The following TRIP4 variants were observed in gnomAD, a reference collection of about 807,000 sequenced individuals.
The protein encoded by TRIP4 is thyroid hormone receptor interactor 4.
A neutral mutation model predicts 81.8 loss-of-function variants in TRIP4; 54 were observed. The ratio of observed to expected loss-of-function variants is 0.66; its 90% CI spans 0.53 to 0.83. The LOEUF (loss-of-function observed/expected upper bound fraction) is 0.83. Ranked by LOEUF, TRIP4 falls within the 40% of genes least tolerant of loss-of-function variation. The probability of loss-of-function intolerance (pLI) is 0.00; values close to 1 mark genes in which losing one functional copy is unlikely to be tolerated. For synonymous variants in TRIP4, 270 were observed against 242.8 expected (o/e 1.11, Z -1.04); for missense variants, 662 against 683.6 (o/e 0.97, Z 0.35).
At chr15:64,419,183 TCTAA>T (rs1318670657) in intron 9 of TRIP4, among the ~76,000 whole-genome samples, 1 of 152,202 alleles carries the variant, frequency 6.6e-6, no homozygotes, top group Non-Finnish European at 1.5e-5. Flanking sequence ...TGTCCATATA[TCTAA>T]CTATTAATCT....
At chr15:64,447,933 A>G (rs1892670100) in intron 12 of TRIP4, among the ~76,000 whole-genome samples, 1 of 152,134 alleles carries the variant, frequency 6.6e-6, no homozygotes, top group Non-Finnish European at 1.5e-5. Context: ...TTTGGTCTCA[A>G]GTGGATCCTC....
At chr15:64,451,577 T>G (rs911019345) in intron 12 of TRIP4, among the ~76,000 whole-genome samples, 4 of 150,356 alleles carry the variant, frequency 2.7e-5, no homozygotes, top group African/African-American at 9.8e-5. Context: ...GCTCAAGCAA[T>G]TCTCCCACCT....
chr15:64,431,383 T>G (rs574296405), intron 11 of TRIP4, among the ~76,000 whole-genome samples: 2 of 152,258 alleles, frequency 1.3e-5, no homozygotes, highest in African/African-American at 4.8e-5. Context: ...ATATAGGGAA[T>G]GTAGTTTTGG....
At chr15:64,425,481 T>G in intron 10 of TRIP4, 59 bp from the exon 11 acceptor site, 2 of 1,386,356 alleles carry the variant, frequency 1.4e-6, no homozygotes, top group Non-Finnish European at 2.0e-6. Flanking sequence ...AACAGATTCC[T>G]GAGTTCCAAG....
In TRIP4 at chr15:64,409,739, C is replaced by G; in HGVS notation, c.954C>G (p.His318Gln). Residue 318 changes from histidine (H) to glutamine (Q), a missense_variant, in exon 7 of 13, where the codon CAC (histidine) becomes CAG (glutamine). Coordinates refer to ENST00000261884, the MANE Select transcript of TRIP4 (RefSeq NM_016213.5). Reference sequence around the variant, plus strand: ...AGGAGGAGCTGAGAGAACTTCGACACGCCTCTCGACTTTCTAAGAAGGTCA... The same window carrying G: ...AGGAGGAGCTGAGAGAACTTCGACAGGCCTCTCGACTTTCTAAGAAGGTCA... ...KREEELRELR[H>Q]ASRLSKKVTI... The G allele has an allele frequency of 6.2e-7, 1 of 1,614,076 alleles. No homozygotes were observed. Among genetic ancestry groups the G allele is most frequent in the South Asian group, 1.1e-5 (1 of 91,086 alleles).
At chr15:64,446,272 C>T (rs1029269651) in intron 12 of TRIP4, among the ~76,000 whole-genome samples, 6 of 151,674 alleles carry the variant, frequency 4.0e-5, no homozygotes, top group African/African-American at 1.5e-4. Context: ...GAAACTCCAT[C>T]TCAAAAAAAA....
chr15:64,445,524 A>G (rs1407023708), intron 12 of TRIP4, among the ~76,000 whole-genome samples: 6 of 151,332 alleles, frequency 4.0e-5, no homozygotes, highest in Non-Finnish European at 8.8e-5. Flanking sequence ...CGCCTGTAGC[A>G]CCTGTAGTGC....
At position 64,397,993 on chromosome 15, in the gene TRIP4, C is replaced by T. The variant is rs185685660; in HGVS notation, c.618+175C>T. ...TCGGCTCGCTGCAGGCTCTGCCTCC[C>T]GGGTTCATGCCATTCTCCTGCCTCA... On this transcript the variant is annotated intron_variant, in intron 4 of 12. Transcript: ENST00000261884. 1.7e-3 allele frequency among the ~76,000 whole-genome samples: 257 copies of T among 152,098 alleles called. 1 individual carries two copies. Among genetic ancestry groups the T allele is most frequent in the African/African-American group, 5.2e-3 (214 of 41,504 alleles).
chr15:64,455,191 T>TA lies in TRIP4; in HGVS notation c.*130dup, dbSNP rs1892858527. 1.4e-6 allele frequency: 1 copy of TA among 699,400 alleles called. No homozygotes were observed. 43.3% of individuals were successfully genotyped at this position (699,400 alleles called of 1,614,324 possible). ...CGTCAGGCTTGAATATCTCAGAACT[T>TA]AAACTCTTACCAAAATCTGTATATT... On this transcript the variant is annotated 3_prime_UTR_variant, in exon 13 of 13. Coordinates refer to ENST00000261884, the MANE Select transcript of TRIP4 (RefSeq NM_016213.5).
chr15:64,387,956 G>C lies in TRIP4; in HGVS notation c.93G>C (p.Glu31Asp). 6.4e-7 allele frequency: 1 copy of C among 1,550,644 alleles called. No individual in the cohort carries two copies. The highest frequency in any genetic ancestry group is 2.4e-5 in the East Asian group (1 of 40,922). Residue 31 changes from glutamate (E) to aspartate (D), a missense_variant, in exon 1 of 13, where the codon GAG (glutamate) becomes GAC (aspartate). Glu to Asp is a conservative substitution (Grantham distance 45). Coordinates refer to ENST00000261884, the MANE Select transcript of TRIP4 (RefSeq NM_016213.5). ...RKTFGLDVSE[E>D]IIQYVLSIES... ...CTTTCGGCCTGGATGTCAGCGAGGA[G>C]ATCATTCAGTGAGAACAGTTCGGGT...
At chr15:64,397,934 T>G in intron 4 of TRIP4, 116 bp downstream of exon 4, 1 of 1,163,616 alleles carries the variant, frequency 8.6e-7, no homozygotes, top group Non-Finnish European at 1.2e-6. Context: ...GGAGTCTCAC[T>G]TTGTCGCCCA....
intron 11 of TRIP4, chr15:64,444,740 G>A (rs1158795615): frequency 6.4e-6 from 1 of 156,762 alleles, no homozygotes; most frequent in Non-Finnish European, 1.2e-5. Context: ...GAGGATTTCA[G>A]GTATCCTTTT....
rs11855016 is a variant in TRIP4 at position 64,415,093 on chromosome 15, T to A, written c.1170+882T>A. ...CTGGGTGACAGAGTGAGACCCTGTC[T>A]CAAAAAAAAAAAAGCAAATATTTTT... On this transcript the variant is annotated intron_variant, in intron 8 of 12. Transcript: ENST00000261884. 9.5e-3 allele frequency among the ~76,000 whole-genome samples: 1,400 copies of A among 147,746 alleles called. 19 individuals carry two copies. Among genetic ancestry groups the A allele is most frequent in the African/African-American group, 0.033 (1,315 of 39,904 alleles).
intron 7 of TRIP4, among the ~76,000 whole-genome samples, chr15:64,412,650 T>TTATAC (rs1353654235): frequency 6.6e-6 from 1 of 151,596 alleles, no homozygotes; most frequent in Non-Finnish European, 1.5e-5. Context: ...CAAACATATA[T>TTATAC]TGAATTGAAT....
intron 5 of TRIP4, among the ~76,000 whole-genome samples, chr15:64,403,913 C>T (rs1026136378): frequency 4.2e-4 from 64 of 152,046 alleles, no homozygotes; most frequent in Admixed American, 2.4e-3. Flanking sequence ...TATAAATAGC[C>T]GGGCATGGTG....
intron 9 of TRIP4, among the ~76,000 whole-genome samples, 155 bp from the exon 10 acceptor site, chr15:64,423,876 A>G (rs932035631): frequency 6.6e-6 from 1 of 152,180 alleles, no homozygotes; most frequent in African/African-American, 2.4e-5. Context: ...TGTGAGAGAA[A>G]AGTGTTTTTG....
chr15:64,397,940 G>A (rs1341122178), intron 4 of TRIP4, 122 bp downstream of exon 4: 8 of 1,123,946 alleles, frequency 7.1e-6, no homozygotes, highest in South Asian at 5.0e-5. Flanking sequence ...TCACTTTGTC[G>A]CCCAGGCTGG....
chr15:64,394,015 A>G lies in TRIP4; in HGVS notation c.171A>G (p.Glu57=). 6.2e-7 allele frequency: 1 copy of G among 1,611,792 alleles called. No homozygotes were observed. The highest frequency in any genetic ancestry group is 1.7e-5 in the Admixed American group (1 of 59,670). The change falls in exon 2 of 13, where the codon GAA becomes GAG. Residue 57 remains glutamate (E), a synonymous_variant. Transcript: ENST00000261884. ...EYVTDLLQGN[E]GKKGQFIEEL... ...TTACTGATCTCCTCCAGGGAAATGA[A>G]GGCAAAAAAGGTCAATTCATAGAAG... is the stretch of plus-strand genomic sequence containing the variant.
At chr15:64,431,374 T>C (rs1413440544) in intron 11 of TRIP4, among the ~76,000 whole-genome samples, 1 of 152,044 alleles carries the variant, frequency 6.6e-6, no homozygotes, top group Non-Finnish European at 1.5e-5. Context: ...TTGAGTGAGA[T>C]ATAGGGAATG....
Sources: allele counts gnomAD v4.1 joint callset (sites outside exome capture counted in the v4.1 genomes callset), GRCh38; gene constraint gnomAD v4.1.1; transcripts MANE v1.5; gene names NCBI Gene and HGNC (gene_info 2026-07-23, HGNC 2026-07-21).